The following MLLT3 variants were observed in gnomAD, a reference collection of about 807,000 sequenced individuals.
MLLT3 encodes protein AF-9.
Under a neutral mutation model 53.2 loss-of-function variants are expected in MLLT3, and 4 were observed. The observed-to-expected ratio is 0.08, with a 90% confidence interval of 0.04 to 0.17. The LOEUF (loss-of-function observed/expected upper bound fraction) is 0.17. Ranked by LOEUF, MLLT3 falls within the 10% of genes least tolerant of loss-of-function variation. The probability of loss-of-function intolerance (pLI) is 1.00; values close to 1 mark genes in which losing one functional copy is unlikely to be tolerated. For synonymous variants in MLLT3, 283 were observed against 230.6 expected (o/e 1.23, Z -2.06); for missense variants, 569 against 684.0 (o/e 0.83, Z 1.87).
At chr9:20,363,160 A>T in intron 7 of MLLT3, 1 of 236,002 alleles carries the variant, frequency 4.2e-6, no homozygotes. Context: ...CAGTGGATCA[A>T]CACAAACTCT....
chr9:20,564,732 G>A (rs536280850), intron 2 of MLLT3, among the ~76,000 whole-genome samples: 1 of 152,274 alleles, frequency 6.6e-6, no homozygotes, highest in Non-Finnish European at 1.5e-5. Flanking sequence ...AAGAACTATG[G>A]ATATTTATCC....
chr9:20,440,001 T>C (rs1823504085), intron 4 of MLLT3, among the ~76,000 whole-genome samples: 1 of 152,174 alleles, frequency 6.6e-6, no homozygotes, highest in Non-Finnish European at 1.5e-5. Context: ...GGAAACCTTT[T>C]ACTTTCACCA....
At chr9:20,410,287 C>T (rs1822693985) in intron 5 of MLLT3, among the ~76,000 whole-genome samples, 2 of 152,102 alleles carry the variant, frequency 1.3e-5, no homozygotes, top group South Asian at 4.1e-4. Context: ...TTCAAAGCTA[C>T]AGGTTATATA....
intron 2 of MLLT3, among the ~76,000 whole-genome samples, chr9:20,577,810 T>C (rs1468755031): frequency 6.6e-6 from 1 of 152,214 alleles, no homozygotes; most frequent in Non-Finnish European, 1.5e-5. Flanking sequence ...CTTTAGGGTC[T>C]TGAAGTCTGC....
chr9:20,438,800 C>A (rs1823471098), intron 4 of MLLT3, among the ~76,000 whole-genome samples: 1 of 152,122 alleles, frequency 6.6e-6, no homozygotes, highest in Non-Finnish European at 1.5e-5. Flanking sequence ...AAATTCCTAT[C>A]TTAAGTCACC....
chr9:20,476,797 A>G (rs781720717), intron 2 of MLLT3, among the ~76,000 whole-genome samples: 4 of 152,178 alleles, frequency 2.6e-5, no homozygotes, highest in Non-Finnish European at 5.9e-5. Context: ...TGAATTCTCA[A>G]TATTAAATAG....
intron 4 of MLLT3, among the ~76,000 whole-genome samples, chr9:20,416,036 C>G (rs561947103): frequency 6.6e-6 from 1 of 151,814 alleles, no homozygotes; most frequent in Non-Finnish European, 1.5e-5. Context: ...TAGAAAACAT[C>G]ATAATCTGAG....
chr9:20,446,536 C>T lies in MLLT3; in HGVS notation c.420+1587G>A, dbSNP rs201834048. ...CTTGTGTCATATTTACGTTTTCCTA[C>T]GACCCTTATCAGAAGCATGACGTAC... On this transcript the variant is annotated intron_variant, in intron 4 of 10. Coordinates refer to ENST00000380338, the MANE Select transcript of MLLT3 (RefSeq NM_004529.4). Among the ~76,000 whole-genome samples the T allele has an allele frequency of 5.3e-5, 8 of 152,254 alleles. No homozygotes were observed. In the East Asian group the frequency reaches 1.5e-3, roughly 29 times the overall value.
Position 20,620,955 on chromosome 9 carries a change from C to T in MLLT3, c.13-121G>A. ...ACGCACATAAAAGGAAACGGCGGTG[C>T]CCTCTGCATCCACGTTTCACGCGCG... On this transcript the variant is annotated intron_variant, in intron 1 of 10. Transcript: ENST00000380338. The surrounding 1 kb of genome is among the most constrained non-coding windows in gnomAD (Gnocchi z 6.1). The T allele has an allele frequency of 8.9e-7, 1 of 1,123,118 alleles. No individual in the cohort carries two copies. Among genetic ancestry groups the T allele is most frequent in the Non-Finnish European group, 1.3e-6 (1 of 765,184 alleles). The allele number at this position is 1,123,118 out of a possible 1,614,324, so 69.6% of individuals were successfully genotyped here. A position where few individuals can be genotyped will look rare whatever the true frequency, so the allele number is the denominator to read the frequency against.
intron 10 of MLLT3, among the ~76,000 whole-genome samples, chr9:20,346,808 A>C (rs1301575155): frequency 6.6e-6 from 1 of 152,176 alleles, no homozygotes; most frequent in African/African-American, 2.4e-5. Flanking sequence ...CATACCCTTT[A>C]AACTGATGTC....
At chr9:20,512,268 C>G (rs1387679571) in intron 2 of MLLT3, among the ~76,000 whole-genome samples, 1 of 152,180 alleles carries the variant, frequency 6.6e-6, no homozygotes, top group African/African-American at 2.4e-5. Context: ...TTTCACTCCA[C>G]AGTAGATTTT....
intron 3 of MLLT3, among the ~76,000 whole-genome samples, chr9:20,451,805 C>T (rs78306626): frequency 0.11 from 16,460 of 152,148 alleles, 2,554 homozygotes; most frequent in African/African-American, 0.34. Flanking sequence ...TGAGATCAGA[C>T]TGAAAGAAAG....
intron 2 of MLLT3, among the ~76,000 whole-genome samples, chr9:20,504,148 TC>T (rs754116079): frequency 2.6e-5 from 4 of 152,110 alleles, no homozygotes; most frequent in Non-Finnish European, 5.9e-5. Context: ...ATTTTAAGGT[TC>T]CTCAAAAATT....
intron 8 of MLLT3, among the ~76,000 whole-genome samples, chr9:20,357,161 A>G (rs1821190640): frequency 6.6e-6 from 1 of 152,212 alleles, no homozygotes; most frequent in Admixed American, 6.5e-5. Flanking sequence ...ATTTCATTCA[A>G]CATGCCTTGC....
chr9:20,604,375 T>TCA (rs1300676898), intron 2 of MLLT3, among the ~76,000 whole-genome samples: 3 of 151,856 alleles, frequency 2.0e-5, no homozygotes, highest in African/African-American at 7.2e-5. Context: ...AACTCAATTT[T>TCA]CACAGTTTTC....
chr9:20,458,512 T>C (rs919199857), intron 2 of MLLT3, among the ~76,000 whole-genome samples: 1 of 152,186 alleles, frequency 6.6e-6, no homozygotes, highest in African/African-American at 2.4e-5. Context: ...CTAAACCTCG[T>C]AAACTGAAAT....
chr9:20,579,238 G>C (rs1000365564), intron 2 of MLLT3, among the ~76,000 whole-genome samples: 2 of 151,912 alleles, frequency 1.3e-5, no homozygotes, highest in Non-Finnish European at 2.9e-5. Flanking sequence ...AATTAGCTGG[G>C]CGTATGCTTG....
intron 7 of MLLT3, 45 bp downstream of exon 7, chr9:20,363,431 G>T: frequency 6.2e-7 from 1 of 1,608,408 alleles, no homozygotes; most frequent in East Asian, 2.2e-5. Flanking sequence ...TTGTGAAAGA[G>T]TCTGACTTCA....
At chr9:20,436,404 G>T (rs1217920341) in intron 4 of MLLT3, among the ~76,000 whole-genome samples, 1 of 152,142 alleles carries the variant, frequency 6.6e-6, no homozygotes, top group East Asian at 1.9e-4. Flanking sequence ...GAGAAATACA[G>T]GAAACTTTAG....
Sources: gnomAD v4.1 joint callset for allele counts (sites outside exome capture counted in the v4.1 genomes callset) on GRCh38, gnomAD v4.1.1 for gene constraint, Gnocchi (gnomAD v3.1) non-coding constraint, MANE v1.5 for transcripts, NCBI Gene and HGNC (gene_info 2026-07-23, HGNC 2026-07-21) for gene names.